The following CDK14 variants were observed in gnomAD, a reference collection of about 807,000 sequenced individuals.
CDK14 encodes cyclin-dependent kinase 14.
In CDK14, 34 loss-of-function variants were observed where a neutral mutation model predicts 60.7. That is an observed-to-expected ratio of 0.56 (90% CI 0.43 to 0.75). The LOEUF is 0.75. CDK14 is among the 30% of genes least tolerant of loss of function. The pLI, the probability that CDK14 is intolerant of heterozygous loss-of-function variation, is 0.00. For synonymous variants in CDK14, 197 were observed against 203.7 expected, an observed-to-expected ratio of 0.97 and a Z score of 0.28; for missense variants, 482 against 564.1, an observed-to-expected ratio of 0.85 and a Z score of 1.47.
chr7:90,959,954 G>A (rs1254415832), intron 9 of CDK14, among the ~76,000 whole-genome samples: 3 of 152,018 alleles, frequency 2.0e-5, no homozygotes, highest in African/African-American at 7.2e-5. Flanking sequence ...TTAATTTTTG[G>A]ATTTATAACT....
intron 14 of CDK14, among the ~76,000 whole-genome samples, chr7:91,180,699 A>G (rs1272757944): frequency 6.6e-6 from 1 of 152,184 alleles, no homozygotes; most frequent in Non-Finnish European, 1.5e-5. Context: ...GAGGTCAGGG[A>G]GAAGAACCCA....
chr7:90,737,369 A>G (rs1310348549), intron 3 of CDK14, among the ~76,000 whole-genome samples: 5 of 152,238 alleles, frequency 3.3e-5, no homozygotes, highest in African/African-American at 1.2e-4. Flanking sequence ...ATAAAAATCT[A>G]TATCCCATGA....
At chr7:91,145,818 A>T (rs1800610610) in intron 14 of CDK14, among the ~76,000 whole-genome samples, 2 of 152,142 alleles carry the variant, frequency 1.3e-5, no homozygotes, top group Admixed American at 1.3e-4. Flanking sequence ...TTGTCACTAG[A>T]TGCTTTCCCT....
intron 4 of CDK14, among the ~76,000 whole-genome samples, chr7:90,790,127 G>A (rs1805769379): frequency 6.9e-6 from 1 of 145,232 alleles, no homozygotes; most frequent in African/African-American, 2.6e-5. Context: ...AGAGAGAGAA[G>A]AATGTCAAGT....
chr7:91,144,359 A>C (rs931361568), intron 14 of CDK14, among the ~76,000 whole-genome samples: 2 of 152,252 alleles, frequency 1.3e-5, no homozygotes, highest in African/African-American at 4.8e-5. Flanking sequence ...AGTTGGTCTG[A>C]AAACATTTGC....
rs529448987 is a variant in CDK14, at chr7:90,801,364, A to T, written c.544+10712A>T. On this transcript the variant is annotated intron_variant, in intron 5 of 14. Transcript: ENST00000380050. ...TTCTCTCCATATAGGCTCTTTTGTT[A>T]TTGTTATTCATTTATTTTTGTTTTC... Among the ~76,000 whole-genome samples, 146 of 152,124 alleles carry T rather than the reference A, an allele frequency of 9.6e-4. 1 individual carries two copies. Among genetic ancestry groups the T allele is most frequent in the Middle Eastern group, 3.4e-3 (1 of 294 alleles).
chr7:90,754,750 A>G (rs1246709060), intron 4 of CDK14, among the ~76,000 whole-genome samples: 2 of 152,198 alleles, frequency 1.3e-5, no homozygotes, highest in East Asian at 1.9e-4. Flanking sequence ...TCTCTGAGGA[A>G]CTTACACAAT....
At chr7:90,747,803 A>G in intron 4 of CDK14, 28 bp downstream of exon 4, 1 of 1,250,468 alleles carries the variant, frequency 8.0e-7, no homozygotes, top group South Asian at 1.4e-5. Context: ...GGAATATTTC[A>G]CATGTACAGT....
intron 5 of CDK14, among the ~76,000 whole-genome samples, chr7:90,823,215 T>G (rs1486864490): frequency 6.6e-6 from 1 of 152,188 alleles, no homozygotes; most frequent in Non-Finnish European, 1.5e-5. Context: ...AAGTCTTAAA[T>G]TTTTCTTCTA....
At chr7:91,167,540 T>C (rs539425153) in intron 14 of CDK14, among the ~76,000 whole-genome samples, 1 of 152,306 alleles carries the variant, frequency 6.6e-6, no homozygotes, top group Non-Finnish European at 1.5e-5. Flanking sequence ...GTAGATAGGG[T>C]CATGGCTCCA....
At chr7:91,177,433 C>T (rs994313119) in intron 14 of CDK14, among the ~76,000 whole-genome samples, 38 of 151,790 alleles carry the variant, frequency 2.5e-4, no homozygotes, top group African/African-American at 8.2e-4. Context: ...CACTCCTATT[C>T]AACATAGTGT....
rs191385790 is a variant in CDK14 at position 90,692,616 on chromosome 7, G to T, written c.124-33951G>T. 17 of 863,382 alleles carry T rather than the reference G, an allele frequency of 2.0e-5. No individual in the cohort carries two copies. In the East Asian group the frequency reaches 1.1e-3, roughly 55 times the overall value. 53.5% of individuals were successfully genotyped at this position (863,382 alleles called of 1,614,324 possible). Reference sequence around the variant, plus strand: ...TATGGACTAAGAAGAATGCATGAGGGCTCTGCCTGGTGGAGACTATGCTGG... The same window carrying T: ...TATGGACTAAGAAGAATGCATGAGGTCTCTGCCTGGTGGAGACTATGCTGG... On this transcript the variant is annotated intron_variant, in intron 2 of 14. Transcript: ENST00000380050.
At chr7:90,746,755 C>G (rs980046581) in intron 3 of CDK14, among the ~76,000 whole-genome samples, 2 of 152,112 alleles carry the variant, frequency 1.3e-5, no homozygotes, top group Non-Finnish European at 1.5e-5. Flanking sequence ...GATGAGGTCA[C>G]TCTCTCTTAG....
At chr7:90,707,990 A>G (rs368803207) in intron 2 of CDK14, among the ~76,000 whole-genome samples, 15 of 152,200 alleles carry the variant, frequency 9.9e-5, no homozygotes, top group African/African-American at 3.6e-4. Flanking sequence ...TTAAAGGAGA[A>G]ATGTTACTGT....
chr7:90,741,205 T>C (rs1415436912), intron 3 of CDK14, among the ~76,000 whole-genome samples: 1 of 152,204 alleles, frequency 6.6e-6, no homozygotes, highest in African/African-American at 2.4e-5. Flanking sequence ...TTTGCCACAG[T>C]CATTCTTCCA....
chr7:91,105,531 A>C (rs1799264788), intron 12 of CDK14, among the ~76,000 whole-genome samples: 1 of 152,216 alleles, frequency 6.6e-6, no homozygotes, highest in Non-Finnish European at 1.5e-5. Flanking sequence ...AACTTGGAGT[A>C]CCCATGTATT....
chr7:90,596,592 A>G lies in CDK14; in HGVS notation c.-36A>G, dbSNP rs768429038. On this transcript the variant is annotated 5_prime_UTR_variant, in exon 1 of 15. Coordinates refer to ENST00000380050, the MANE Select transcript of CDK14 (RefSeq NM_001287135.2). ...CCGTTGTCTGAGCTGTGCCTGGACC[A>G]GTTTGGGGAAGTTGTCGGGGCTCCG... 1.3e-6 allele frequency: 2 copies of G among 1,572,994 alleles called. No individual in the cohort carries two copies. The highest frequency in any genetic ancestry group is 1.7e-6 in the Non-Finnish European group (2 of 1,145,114).
At chr7:90,758,899 T>C (rs949435555) in intron 4 of CDK14, among the ~76,000 whole-genome samples, 6 of 151,740 alleles carry the variant, frequency 4.0e-5, no homozygotes, top group African/African-American at 1.5e-4. Context: ...CTCTTAAAAA[T>C]AGAAAAATCA....
intron 14 of CDK14, among the ~76,000 whole-genome samples, chr7:91,152,953 A>G (rs539395698): frequency 6.6e-6 from 1 of 152,324 alleles, no homozygotes; most frequent in Non-Finnish European, 1.5e-5. Context: ...CAAATAGTTT[A>G]TAGTATAAAT....
Sources: allele counts gnomAD v4.1 joint callset (sites outside exome capture counted in the v4.1 genomes callset), GRCh38; gene constraint gnomAD v4.1.1; transcripts MANE v1.5; gene names NCBI Gene and HGNC (gene_info 2026-07-23, HGNC 2026-07-21).